Variants in APBA1 observed in about 807,000 individuals in gnomAD.
APBA1 encodes the protein amyloid-beta A4 precursor protein-binding family A member 1.
In APBA1, 55 loss-of-function variants were observed where a neutral mutation model predicts 86.6. The ratio of observed to expected loss-of-function variants is 0.64; its 90% CI spans 0.51 to 0.80. The LOEUF (loss-of-function observed/expected upper bound fraction) is 0.80, where lower values mean the gene tolerates loss of function less well. Among genes scored for constraint, APBA1 ranks in the 30% least tolerant of loss-of-function variants. The pLI, the probability that APBA1 is intolerant of heterozygous loss-of-function variation, is 0.00. For missense variants in APBA1, 1,090 were observed against 1,183.0 expected, an observed-to-expected ratio of 0.92 and a Z score of 1.15; for synonymous variants, 511 against 493.9, an observed-to-expected ratio of 1.03 and a Z score of -0.46.
chr9:69,639,978 A>T (rs573886374), intron 1 of APBA1, among the ~76,000 whole-genome samples: 19 of 152,202 alleles, frequency 1.2e-4, no homozygotes, highest in Non-Finnish European at 2.4e-4. Context: ...CAGAGAGCAT[A>T]TGAAATGACA....
At position 69,668,923 on chromosome 9, in the gene APBA1, A is replaced by G. The variant is rs1823892317; in HGVS notation, c.-70+3230T>C. 3.9e-5 allele frequency among the ~76,000 whole-genome samples: 6 copies of G among 152,298 alleles called. No homozygotes were observed. In the South Asian group the frequency reaches 1.2e-3, roughly 32 times the overall value. On this transcript the variant is annotated intron_variant, in intron 1 of 12. Coordinates refer to ENST00000265381, the MANE Select transcript of APBA1 (RefSeq NM_001163.4). ...ATTCTTCCATCAGAAGTCACTTTGT[A>G]CCCTGTGAACTCCCACAGCTCTGCA...
At chr9:69,444,124 C>T (rs192088192) in intron 10 of APBA1, among the ~76,000 whole-genome samples, 1 of 152,206 alleles carries the variant, frequency 6.6e-6, no homozygotes, top group African/African-American at 2.4e-5. Flanking sequence ...TTCTGCAGGA[C>T]TTGAGCCTCC....
intron 1 of APBA1, among the ~76,000 whole-genome samples, chr9:69,590,276 G>A (rs1822104862): frequency 6.6e-6 from 1 of 152,238 alleles, no homozygotes; most frequent in Admixed American, 6.5e-5. Flanking sequence ...GGCAGATCCA[G>A]CGAGGTTCAA....
At chr9:69,493,027 G>A (rs1362441390) in intron 2 of APBA1, among the ~76,000 whole-genome samples, 1 of 151,982 alleles carries the variant, frequency 6.6e-6, no homozygotes, top group Non-Finnish European at 1.5e-5. Context: ...TATTCTTTAA[G>A]TGACTAAGCA....
chr9:69,570,893 C>T (rs1837105168), intron 1 of APBA1, among the ~76,000 whole-genome samples: 1 of 152,176 alleles, frequency 6.6e-6, no homozygotes, highest in African/African-American at 2.4e-5. Context: ...TGACTATGTT[C>T]TGAAGAAAGA....
At chr9:69,443,040 A>T (rs2133797082) in intron 10 of APBA1, among the ~76,000 whole-genome samples, 1 of 152,272 alleles carries the variant, frequency 6.6e-6, no homozygotes, top group South Asian at 2.1e-4. Flanking sequence ...TATGCTTTAG[A>T]TTGAGGGAGA....
At chr9:69,452,870 C>T (rs7870154) in intron 8 of APBA1, among the ~76,000 whole-genome samples, 11,633 of 152,272 alleles carry the variant, frequency 0.076, 475 homozygotes, top group Non-Finnish European at 0.094. Flanking sequence ...TCTGTGTTGC[C>T]GATAAATCAC....
intron 1 of APBA1, among the ~76,000 whole-genome samples, chr9:69,589,215 C>T (rs1822080078): frequency 6.6e-6 from 1 of 152,206 alleles, no homozygotes; most frequent in African/African-American, 2.4e-5. Flanking sequence ...CTTGGCCTCC[C>T]AAAGTGCTGG....
chr9:69,538,835 C>T (rs1275330220), intron 1 of APBA1, among the ~76,000 whole-genome samples: 1 of 152,172 alleles, frequency 6.6e-6, no homozygotes, highest in Non-Finnish European at 1.5e-5. Context: ...TTCTTTGTTC[C>T]CTTCTGTTCT....
chr9:69,457,608 T>C (rs900050125), intron 6 of APBA1, among the ~76,000 whole-genome samples: 5 of 152,266 alleles, frequency 3.3e-5, no homozygotes, highest in African/African-American at 7.2e-5. Flanking sequence ...AGGGTCTTTA[T>C]GTTTACATAT....
chr9:69,457,208 G>A, intron 6 of APBA1, 69 bp from the exon 7 acceptor site: 1 of 1,232,356 alleles, frequency 8.1e-7, no homozygotes, highest in Non-Finnish European at 1.2e-6. Context: ...GAAGGAGTAA[G>A]GTTAGCTCAC....
chr9:69,491,879 C>G (rs916397951), intron 2 of APBA1, among the ~76,000 whole-genome samples: 1 of 151,640 alleles, frequency 6.6e-6, no homozygotes, highest in Admixed American at 6.6e-5. Flanking sequence ...ATTCTCCTGC[C>G]TCAGCCTCCC....
chr9:69,658,282 T>TTCTTTCTTTCTTTCTTTCTTTC (rs1554709948), intron 1 of APBA1, among the ~76,000 whole-genome samples: 13 of 39,782 alleles, frequency 3.3e-4, no homozygotes, highest in Non-Finnish European at 6.2e-4. Context: ...CTTTCTTTCT[T>TTCTTTCTTTCTTTCTTTCTTTC]TCTCTCTCTC....
At chr9:69,658,250 T>TTCTC in intron 1 of APBA1, among the ~76,000 whole-genome samples, 1 of 22,506 alleles carries the variant, frequency 4.4e-5, no homozygotes, top group South Asian at 4.5e-3. Flanking sequence ...CTTTCTTTCT[T>TTCTC]TCTTTCTTTC....
chr9:69,546,151 T>C (rs1409712163), intron 1 of APBA1, among the ~76,000 whole-genome samples: 1 of 152,212 alleles, frequency 6.6e-6, no homozygotes, highest in East Asian at 1.9e-4. Flanking sequence ...TTGGGGGGTA[T>C]CATTTGTATT....
chr9:69,589,476 T>G (rs1324383671), intron 1 of APBA1, among the ~76,000 whole-genome samples: 1 of 152,136 alleles, frequency 6.6e-6, no homozygotes, highest in Non-Finnish European at 1.5e-5. Flanking sequence ...CACAACCACT[T>G]AAAGCACTAT....
Position 69,516,910 on chromosome 9 carries a change from G to A in APBA1, c.301C>T (p.Arg101Cys), listed in dbSNP as rs769786634. Residue 101 changes from arginine (R) to cysteine (C), a missense_variant, in exon 2 of 13, where the codon CGC becomes TGC. By Grantham distance (180) the Arg-to-Cys change is radical. This residue lies in a region of APBA1 where 678 missense variants were observed against 647.1 expected (regional missense o/e 1.05). Coordinates refer to ENST00000265381, the MANE Select transcript of APBA1 (RefSeq NM_001163.4). The surrounding 1 kb of genome is among the most constrained non-coding windows in gnomAD (Gnocchi z 7.3). ...TAEGDVIAAARDGYDAERAQD... is the reference protein window; with the variant it reads ...TAEGDVIAAACDGYDAERAQD... ...GCGCGCTCCGCATCGTAGCCGTCGCGGGCCGCGGCGATCACGTCGCCCTCG... is the reference window on the plus strand; with the variant it reads ...GCGCGCTCCGCATCGTAGCCGTCGCAGGCCGCGGCGATCACGTCGCCCTCG... The A allele has an allele frequency of 1.3e-6, 2 of 1,594,330 alleles. No individual in the cohort carries two copies. Among genetic ancestry groups the A allele is most frequent in the Non-Finnish European group, 1.7e-6 (2 of 1,177,030 alleles).
intron 1 of APBA1, among the ~76,000 whole-genome samples, chr9:69,546,863 T>C (rs1419680119): frequency 2.0e-5 from 3 of 152,224 alleles, no homozygotes; most frequent in African/African-American, 7.2e-5. Context: ...AATGCTGATA[T>C]GCACCCTTCT....
chr9:69,549,730 G>A (rs559925134), intron 1 of APBA1, among the ~76,000 whole-genome samples: 2 of 152,280 alleles, frequency 1.3e-5, no homozygotes, highest in Admixed American at 1.3e-4. Context: ...AATAAAAGTA[G>A]GGGACCTTTA....
Sources: gnomAD v4.1 joint callset for allele counts (sites outside exome capture counted in the v4.1 genomes callset) on GRCh38, gnomAD v4.1.1 for gene constraint, gnomAD v4.1.1 regional missense constraint, Gnocchi (gnomAD v3.1) non-coding constraint, MANE v1.5 for transcripts, NCBI Gene and HGNC (gene_info 2026-07-23, HGNC 2026-07-21) for gene names.